Variants in FHIP1A observed in about 807,000 individuals in gnomAD.
FHIP1A encodes FHF complex subunit HOOK-interacting protein 1A.
A neutral mutation model predicts 88.6 loss-of-function variants in FHIP1A; 61 were observed. The observed-to-expected ratio is 0.69, with a 90% CI of 0.56 to 0.85. The LOEUF (loss-of-function observed/expected upper bound fraction) is 0.85. Among genes scored for constraint, FHIP1A ranks in the 40% least tolerant of loss-of-function variants. The pLI is 0.00. For synonymous variants in FHIP1A, 478 were observed against 496.0 expected (o/e 0.96, Z 0.48); for missense variants, 1,154 against 1,273.5 (o/e 0.91, Z 1.43).
intron 7 of FHIP1A, among the ~76,000 whole-genome samples, chr4:151,627,267 G>A (rs1735989237): frequency 6.6e-6 from 1 of 152,118 alleles, no homozygotes; most frequent in Admixed American, 6.5e-5. Context: ...TTTCTAAAAA[G>A]AAATGAAATA....
chr4:151,458,934 T>C (rs1345492467), intron 2 of FHIP1A, among the ~76,000 whole-genome samples: 1 of 152,144 alleles, frequency 6.6e-6, no homozygotes, highest in Non-Finnish European at 1.5e-5. Flanking sequence ...CTCTTGGTTA[T>C]TGAACCAACC....
chr4:151,513,505 G>A (rs973028587), intron 3 of FHIP1A, among the ~76,000 whole-genome samples: 8 of 152,244 alleles, frequency 5.3e-5, no homozygotes, highest in Admixed American at 5.2e-4. Context: ...GACACAGACT[G>A]GCAAATTGGA....
At chr4:151,539,662 A>T (rs1732203437) in intron 3 of FHIP1A, among the ~76,000 whole-genome samples, 1 of 151,404 alleles carries the variant, frequency 6.6e-6, no homozygotes, top group Non-Finnish European at 1.5e-5. Flanking sequence ...TGGAAAGTAC[A>T]TTGACTCTCA....
chr4:151,437,534 AG>A (rs1728248126), intron 1 of FHIP1A, among the ~76,000 whole-genome samples: 1 of 152,194 alleles, frequency 6.6e-6, no homozygotes, highest in Non-Finnish European at 1.5e-5. Flanking sequence ...TTAATCCATG[AG>A]GGTTTCGAAG....
chr4:151,581,691 T>TA (rs958840871), intron 5 of FHIP1A, among the ~76,000 whole-genome samples: 24 of 150,740 alleles, frequency 1.6e-4, no homozygotes, highest in Non-Finnish European at 2.4e-4. Context: ...ACAACATAAT[T>TA]AAAAAAAAAG....
At chr4:151,447,726 G>A (rs1728656912) in intron 1 of FHIP1A, among the ~76,000 whole-genome samples, 1 of 152,134 alleles carries the variant, frequency 6.6e-6, no homozygotes, top group African/African-American at 2.4e-5. Context: ...GAGGTCATGA[G>A]GGTGGCCCTT....
At chr4:151,481,913 G>A (rs184144303) in intron 2 of FHIP1A, among the ~76,000 whole-genome samples, 11 of 152,170 alleles carry the variant, frequency 7.2e-5, no homozygotes, top group Admixed American at 7.2e-4. Flanking sequence ...TCAAGCTCAT[G>A]TTTTTCTGGT....
At chr4:151,632,532 C>T (rs956095158) in intron 8 of FHIP1A, among the ~76,000 whole-genome samples, 15 of 151,982 alleles carry the variant, frequency 9.9e-5, no homozygotes, top group Non-Finnish European at 1.9e-4. Context: ...GCAGGATATA[C>T]GGTTCTCCTC....
intron 2 of FHIP1A, among the ~76,000 whole-genome samples, chr4:151,465,071 G>A (rs1729262300): frequency 6.6e-6 from 1 of 152,100 alleles, no homozygotes; most frequent in Non-Finnish European, 1.5e-5. Flanking sequence ...AGCCAGGCAT[G>A]GTGGTGCACA....
chr4:151,621,535 T>TTG (rs370983753), intron 7 of FHIP1A, among the ~76,000 whole-genome samples: 66 of 137,022 alleles, frequency 4.8e-4, no homozygotes, highest in African/African-American at 1.7e-3. Flanking sequence ...ATCAGGGAGA[T>TTG]TGTGTGTGTG....
chr4:151,605,061 G>A (rs1229902788), intron 7 of FHIP1A, among the ~76,000 whole-genome samples: 1 of 152,108 alleles, frequency 6.6e-6, no homozygotes, highest in Non-Finnish European at 1.5e-5. Flanking sequence ...GGGCTGGTGG[G>A]AGACCCGTAG....
chr4:151,520,084 T>G (rs1305341887), intron 3 of FHIP1A, among the ~76,000 whole-genome samples: 1 of 152,216 alleles, frequency 6.6e-6, no homozygotes, highest in Non-Finnish European at 1.5e-5. Context: ...TTTTTAATTT[T>G]GATAAAGTAA....
chr4:151,562,519 T>G (rs1733213536), intron 3 of FHIP1A, among the ~76,000 whole-genome samples: 1 of 152,184 alleles, frequency 6.6e-6, no homozygotes, highest in Non-Finnish European at 1.5e-5. Context: ...ATATAATCAC[T>G]TTTCCTTCAA....
At chr4:151,508,523 G>A (rs1730910849) in intron 3 of FHIP1A, among the ~76,000 whole-genome samples, 1 of 152,206 alleles carries the variant, frequency 6.6e-6, no homozygotes, top group Non-Finnish European at 1.5e-5. Context: ...GATGAGTGGT[G>A]AGAAAGAACA....
chr4:151,437,913 A>C (rs540994682), intron 1 of FHIP1A, among the ~76,000 whole-genome samples: 2 of 152,340 alleles, frequency 1.3e-5, no homozygotes, highest in East Asian at 1.9e-4. Flanking sequence ...TTTTAGTTTA[A>C]AAATATGTTA....
At chr4:151,501,870 C>G (rs1037098675) in intron 3 of FHIP1A, among the ~76,000 whole-genome samples, 32 of 149,532 alleles carry the variant, frequency 2.1e-4, no homozygotes, top group Admixed American at 1.5e-3. Context: ...TCAACAAAAA[C>G]TACAAATCCT....
chr4:151,434,825 G>GT (rs1733739119), intron 1 of FHIP1A, among the ~76,000 whole-genome samples: 1 of 152,090 alleles, frequency 6.6e-6, no homozygotes, highest in South Asian at 2.1e-4. Flanking sequence ...TAGGTCACTG[G>GT]TTAGGTAAAA....
At chr4:151,433,096 G>A (rs1733657646) in intron 1 of FHIP1A, among the ~76,000 whole-genome samples, 2 of 152,142 alleles carry the variant, frequency 1.3e-5, no homozygotes, top group South Asian at 4.2e-4. Context: ...AGCCTTTCGG[G>A]TTAGGCCTGA....
At chr4:151,429,839 A>G (rs1733527429) in intron 1 of FHIP1A, among the ~76,000 whole-genome samples, 1 of 120,500 alleles carries the variant, frequency 8.3e-6, no homozygotes, top group Non-Finnish European at 1.7e-5. Flanking sequence ...ACAGAGTGAG[A>G]CTCTATCTCA....
Sources: gnomAD v4.1 joint callset for allele counts (sites outside exome capture counted in the v4.1 genomes callset) on GRCh38, gnomAD v4.1.1 for gene constraint, MANE v1.5 for transcripts, NCBI Gene and HGNC (gene_info 2026-07-23, HGNC 2026-07-21) for gene names.